Variants in NCBP3 observed in about 807,000 individuals in gnomAD.
NCBP3 encodes the protein nuclear cap binding subunit 3, also known as nuclear cap-binding protein subunit 3.
A neutral mutation model predicts 75.7 loss-of-function variants in NCBP3; 20 were observed. That is an observed-to-expected ratio of 0.26 (90% CI 0.19 to 0.38). The LOEUF is 0.38. Among genes scored for constraint, NCBP3 ranks in the 10% least tolerant of loss-of-function variants. The probability of loss-of-function intolerance (pLI) is 1.00; values close to 1 mark genes in which losing one functional copy is unlikely to be tolerated. For synonymous variants in NCBP3, 293 were observed against 290.5 expected (o/e 1.01, Z -0.09); for missense variants, 678 against 796.9 (o/e 0.85, Z 1.80).
intron 12 of NCBP3, 96 bp downstream of exon 12, chr17:3,814,226 T>C (rs193021836): frequency 3.8e-5 from 50 of 1,326,652 alleles, no homozygotes; most frequent in Non-Finnish European, 4.9e-5. Flanking sequence ...GCGTGGGCTG[T>C]TTCTTGCCTT....
At position 3,809,594 on chromosome 17, in the gene NCBP3, T is replaced by C. The variant is rs1364742255; in HGVS notation, c.*3450A>G. ...GGTGGCACATGCCTGTAATCCCAGC[T>C]ACTCTGGAGGCTGAGGCAGGAGAAT... is the stretch of plus-strand genomic sequence containing the variant. On this transcript the variant is annotated 3_prime_UTR_variant, in exon 13 of 13. Coordinates refer to ENST00000389005, the MANE Select transcript of NCBP3 (RefSeq NM_001114118.3). The C allele has an allele frequency of 6.6e-6, 1 of 152,232 alleles. No individual in the cohort carries two copies. The highest frequency in any genetic ancestry group is 1.9e-4 in the East Asian group (1 of 5,196). The allele number at this position is 152,232 out of a possible 1,614,324, so 9.4% of individuals were successfully genotyped here.
At chr17:3,838,527 G>T (rs148849268) in intron 3 of NCBP3, among the ~76,000 whole-genome samples, 28 of 152,374 alleles carry the variant, frequency 1.8e-4, no homozygotes, top group African/African-American at 5.5e-4. Context: ...GATAAAGAGT[G>T]AAGCAGCTTC....
rs566972085 is a variant in NCBP3, at chr17:3,814,336, C to G, written c.1613G>C (p.Arg538Pro). The G allele has an allele frequency of 1.2e-6, 2 of 1,614,024 alleles. No individual in the cohort carries two copies. Among genetic ancestry groups the G allele is most frequent in the Admixed American group, 3.3e-5 (2 of 59,986 alleles). Residue 538 changes from arginine (R) to proline (P), a missense_variant, in exon 12 of 13, where the codon CGG (arginine) becomes CCG (proline). By Grantham distance (103) the Arg-to-Pro change is moderately radical. Around this residue, in one of 7 missense-constraint regions of NCBP3, gnomAD observed 365 missense variants for 392.7 expected, o/e 0.93. Transcript: ENST00000389005. Reference protein sequence around the residue: ...QDSKGLYADTREKKSGNLWTR... With the variant: ...QDSKGLYADTPEKKSGNLWTR... ...GTGTTACCAACCTGATTTCTTCTCC[C>G]GAGTATCGGCGTAGAGGCCTTTACT...
At position 3,818,235 on chromosome 17, in the gene NCBP3, A is replaced by G; in HGVS notation, c.1310+28T>C. 5.5e-6 allele frequency: 8 copies of G among 1,459,720 alleles called. No homozygotes were observed. Among genetic ancestry groups the G allele is most frequent in the Non-Finnish European group, 7.5e-6 (8 of 1,072,562 alleles). 90.4% of individuals were successfully genotyped at this position (1,459,720 alleles called of 1,614,324 possible). A position where few individuals can be genotyped will look rare whatever the true frequency, so the allele number is the denominator to read the frequency against. On this transcript the variant is annotated intron_variant, in intron 10 of 12. Coordinates refer to ENST00000389005, the MANE Select transcript of NCBP3 (RefSeq NM_001114118.3). The surrounding 1 kb of genome is among the most constrained non-coding windows in gnomAD (Gnocchi z 4.7). ...TACTAGTATTTAAAATCAAATTAAAAGCTAGCTTTGATAAAACAAATTTTT... is the reference window on the plus strand; with the variant it reads ...TACTAGTATTTAAAATCAAATTAAAGGCTAGCTTTGATAAAACAAATTTTT...
chr17:3,829,221 C>T, intron 4 of NCBP3, 22 bp downstream of exon 4: 1 of 1,549,722 alleles, frequency 6.5e-7, no homozygotes, highest in Admixed American at 2.0e-5. Context: ...AGCATATTCA[C>T]AGGAAACTCG....
Position 3,808,715 on chromosome 17 carries a change from A to G in NCBP3, c.*4329T>C, listed in dbSNP as rs1434429918. The stretch of plus-strand genomic sequence containing the variant: ...TGGTGAGCCTCATAACATGCTATCA[A>G]AAAGGGTGGAATTTATGTATGTATG... On this transcript the variant is annotated 3_prime_UTR_variant, in exon 13 of 13. Transcript: ENST00000389005. 1 of 152,232 alleles carries G rather than the reference A, an allele frequency of 6.6e-6. No homozygotes were observed. The highest frequency in any genetic ancestry group is 1.5e-5 in the Non-Finnish European group (1 of 68,088). 9.4% of individuals were successfully genotyped at this position (152,232 alleles called of 1,614,324 possible).
rs1032722259 is a variant in NCBP3 at position 3,802,720 on chromosome 17, T to C, written c.*10324A>G. 6.6e-6 allele frequency: 1 copy of C among 152,334 alleles called. No homozygotes were observed. The allele number at this position is 152,334 out of a possible 1,614,324, so 9.4% of individuals were successfully genotyped here. On this transcript the variant is annotated 3_prime_UTR_variant, in exon 13 of 13. Coordinates refer to ENST00000389005, the MANE Select transcript of NCBP3 (RefSeq NM_001114118.3). ...TCACAGTGGTCTCCTCTCCCCCGCA[T>C]TGGCCTAAAGCAGGAAGAGAGCAGC...
In NCBP3 at chr17:3,812,598, G is replaced by T; in HGVS notation, c.*446C>A. Reference sequence around the variant, plus strand: ...GCTTCCCTCCTCTTCCCCCTCGAAGGATGTCCAATAAGCACCTGGGAATTG... The same window carrying T: ...GCTTCCCTCCTCTTCCCCCTCGAAGTATGTCCAATAAGCACCTGGGAATTG... On this transcript the variant is annotated 3_prime_UTR_variant, in exon 13 of 13. Coordinates refer to ENST00000389005, the MANE Select transcript of NCBP3 (RefSeq NM_001114118.3). The T allele has an allele frequency of 5.9e-6, 6 of 1,012,996 alleles. No homozygotes were observed. In the Admixed American group the frequency reaches 1.6e-4, roughly 26 times the overall value. The allele number at this position is 1,012,996 out of a possible 1,614,324, so 62.8% of individuals were successfully genotyped here.
intron 4 of NCBP3, among the ~76,000 whole-genome samples, chr17:3,828,024 T>C (rs2053817678): frequency 6.6e-6 from 1 of 152,208 alleles, no homozygotes; most frequent in South Asian, 2.1e-4. Context: ...ATTCAAGCAA[T>C]TCTCCTGCCT....
At chr17:3,821,459 C>T (rs774996287) in intron 8 of NCBP3, 107 bp from the exon 9 acceptor site, 93 of 837,152 alleles carry the variant, frequency 1.1e-4, no homozygotes, top group Non-Finnish European at 1.5e-4. Context: ...GTCTCAATCT[C>T]TCTCCCAGGC....
At chr17:3,826,759 G>GAGAA (rs1232451851) in intron 4 of NCBP3, among the ~76,000 whole-genome samples, 1 of 149,720 alleles carries the variant, frequency 6.7e-6, no homozygotes, top group Non-Finnish European at 1.5e-5. Flanking sequence ...AAGAGAGAGA[G>GAGAA]AGAAAGCACT....
At chr17:3,826,695 AGAAGGAAG>A (rs375511950) in intron 4 of NCBP3, among the ~76,000 whole-genome samples, 2,986 of 146,068 alleles carry the variant, frequency 0.02, 31 homozygotes, top group Middle Eastern at 0.031. Context: ...AGACAGAAAG[AGAAGGAAG>A]GAAGGAAGGA....
intron 2 of NCBP3, 76 bp from the exon 3 acceptor site, chr17:3,840,281 C>G: frequency 1.7e-6 from 2 of 1,147,714 alleles, no homozygotes; most frequent in South Asian, 1.3e-5. Flanking sequence ...CATGATGCAT[C>G]AGTGACAAAC....
Position 3,811,137 on chromosome 17 carries a change from A to C in NCBP3, c.*1907T>G, listed in dbSNP as rs1192131157. The C allele has an allele frequency of 6.6e-6, 1 of 152,196 alleles. No homozygotes were observed. The allele number at this position is 152,196 out of a possible 1,614,324, so 9.4% of individuals were successfully genotyped here. ...CTGCCGTCACAGCTTGGGAAGAGTA[A>C]ACCGCCACTGAGATGCACCAACAAA... On this transcript the variant is annotated 3_prime_UTR_variant, in exon 13 of 13. Coordinates refer to ENST00000389005, the MANE Select transcript of NCBP3 (RefSeq NM_001114118.3).
At chr17:3,822,179 C>A in intron 7 of NCBP3, 127 bp from the exon 8 acceptor site, 1 of 654,968 alleles carries the variant, frequency 1.5e-6, no homozygotes, top group Non-Finnish European at 2.6e-6. Context: ...AGTAAAAATC[C>A]ACTACCAACA....
chr17:3,821,176 G>T (rs1239646407), intron 9 of NCBP3, 73 bp downstream of exon 9: 7 of 1,089,074 alleles, frequency 6.4e-6, no homozygotes, highest in African/African-American at 1.6e-5. Context: ...AACCTTAAAA[G>T]ATTGCATTAA....
intron 3 of NCBP3, among the ~76,000 whole-genome samples, chr17:3,836,514 G>A (rs1303059090): frequency 6.6e-6 from 1 of 151,808 alleles, no homozygotes; most frequent in South Asian, 2.1e-4. Flanking sequence ...TTGGCTGGCC[G>A]TGGTGGCAGG....
chr17:3,825,003 A>C lies in NCBP3; in HGVS notation c.735T>G (p.Asp245Glu). 1 of 1,546,922 alleles carries C rather than the reference A, an allele frequency of 6.5e-7. No homozygotes were observed. The highest frequency in any genetic ancestry group is 1.2e-5 in the South Asian group (1 of 83,096). The change falls in exon 7 of 13, where the codon GAT (aspartate) becomes GAG (glutamate). Residue 245 changes from aspartate to glutamate, a missense_variant. Asp to Glu is a conservative substitution (Grantham distance 45). Coordinates refer to ENST00000389005, the MANE Select transcript of NCBP3 (RefSeq NM_001114118.3). ...TAGCAAGTTTGTTAGCTGGACGAAG[A>C]TCGTTTCTTAACAAAGACTCCTCTT... ...QVEEESLLRN[D>E]LRPANKLAKG... is the part of the protein sequence containing the mutation.
At chr17:3,817,184 C>A (rs2053551039) in intron 10 of NCBP3, among the ~76,000 whole-genome samples, 1 of 152,166 alleles carries the variant, frequency 6.6e-6, no homozygotes, top group South Asian at 2.1e-4. Flanking sequence ...AATCTGCTCA[C>A]CCCTAGTAGT....
Sources: allele counts gnomAD v4.1 joint callset (sites outside exome capture counted in the v4.1 genomes callset), GRCh38; gene constraint gnomAD v4.1.1; regional missense constraint gnomAD v4.1.1; non-coding constraint Gnocchi (gnomAD v3.1); transcripts MANE v1.5; gene names NCBI Gene and HGNC (gene_info 2026-07-23, HGNC 2026-07-21).